The following PCDH15 variants were observed in gnomAD, a reference collection of about 807,000 sequenced individuals.
PCDH15 encodes the protein protocadherin related 15, also known as protocadherin-15.
A neutral mutation model predicts 178.5 loss-of-function variants in PCDH15; 129 were observed. That is an observed-to-expected ratio of 0.72 (90% CI 0.63 to 0.84). PCDH15 has a LOEUF of 0.84. Ranked by LOEUF, PCDH15 falls within the 40% of genes least tolerant of loss-of-function variation. PCDH15 has a pLI of 0.00. For synonymous variants in PCDH15, 800 were observed against 732.0 expected, an observed-to-expected ratio of 1.09 and a Z score of -1.50; for missense variants, 2,230 against 2,099.9, an observed-to-expected ratio of 1.06 and a Z score of -1.21.
intron 3 of PCDH15, among the ~76,000 whole-genome samples, chr10:54,831,827 C>A (rs970336281): frequency 1.3e-5 from 2 of 152,030 alleles, no homozygotes; most frequent in Admixed American, 6.6e-5. Context: ...ACTTCACTAG[C>A]CCATTAATAA....
intron 2 of PCDH15, among the ~76,000 whole-genome samples, chr10:55,625,595 G>T (rs763442177): frequency 6.6e-6 from 1 of 152,054 alleles, no homozygotes; most frequent in Non-Finnish European, 1.5e-5. Flanking sequence ...CTAGAGCCTG[G>T]AACTAAACAG....
intron 15 of PCDH15, among the ~76,000 whole-genome samples, chr10:54,099,028 A>C (rs935298442): frequency 2.6e-5 from 4 of 152,172 alleles, no homozygotes; most frequent in African/African-American, 7.2e-5. Flanking sequence ...GTTTTCTCAA[A>C]GCTTTCCTCA....
At chr10:54,970,178 C>G (rs1336705703) in intron 2 of PCDH15, among the ~76,000 whole-genome samples, 1 of 152,112 alleles carries the variant, frequency 6.6e-6, no homozygotes, top group African/African-American at 2.4e-5. Flanking sequence ...GGACACTGAA[C>G]CTGCTAGTAC....
At chr10:54,235,153 T>G (rs2054496078) in intron 9 of PCDH15, among the ~76,000 whole-genome samples, 1 of 152,226 alleles carries the variant, frequency 6.6e-6, no homozygotes, top group African/African-American at 2.4e-5. Flanking sequence ...ATGATACTGC[T>G]TAACACTGCA....
intron 15 of PCDH15, among the ~76,000 whole-genome samples, chr10:54,112,216 G>A (rs1188499343): frequency 2.0e-5 from 3 of 152,032 alleles, no homozygotes; most frequent in Non-Finnish European, 2.9e-5. Context: ...ATTCCTCTAA[G>A]TCGGGGTTCC....
chr10:54,737,153 G>A (rs1024318103), intron 1 of PCDH15, among the ~76,000 whole-genome samples: 3 of 152,076 alleles, frequency 2.0e-5, no homozygotes, highest in African/African-American at 7.2e-5. Context: ...GACCTGCCGG[G>A]TGCTTCTTAT....
At chr10:55,491,907 T>C (rs574260740) in intron 2 of PCDH15, among the ~76,000 whole-genome samples, 220 of 151,486 alleles carry the variant, frequency 1.5e-3, no homozygotes, top group African/African-American at 5.1e-3. Flanking sequence ...AAGCTGCACC[T>C]ACTCAAGGGC....
At chr10:54,672,257 T>C (rs1005272211) in intron 1 of PCDH15, among the ~76,000 whole-genome samples, 2 of 151,784 alleles carry the variant, frequency 1.3e-5, no homozygotes, top group African/African-American at 2.4e-5. Flanking sequence ...GTATAATAAA[T>C]GGAATGCACC....
rs114307102 is a variant in PCDH15, at chr10:54,748,361, C to T, written c.-29+52564G>A. On this transcript the variant is annotated intron_variant, in intron 1 of 37. Coordinates refer to ENST00000644397, the MANE Select transcript of PCDH15 (RefSeq NM_001384140.1). The stretch of plus-strand genomic sequence containing the variant: ...ATTGTCTGGTCATCACCCCTTATCC[C>T]CTCCTGAATATTTAATGAGACCAAG... Among the ~76,000 whole-genome samples, 1,141 of 152,154 alleles carry T rather than the reference C, an allele frequency of 7.5e-3. 11 individuals are homozygous for T. The highest frequency in any genetic ancestry group is 0.026 in the African/African-American group (1,060 of 41,520).
intron 3 of PCDH15, among the ~76,000 whole-genome samples, chr10:54,895,954 TC>T (rs147702210): frequency 0.22 from 34,148 of 151,900 alleles, 4,505 homozygotes; most frequent in Non-Finnish European, 0.31. Context: ...TGGCACTATC[TC>T]GGCTCACCAC....
chr10:54,966,715 T>C (rs1838802190), intron 2 of PCDH15, among the ~76,000 whole-genome samples: 2 of 152,072 alleles, frequency 1.3e-5, no homozygotes, highest in South Asian at 4.1e-4. Flanking sequence ...TCTGATGTTT[T>C]TATAAGTGGT....
chr10:54,201,685 A>T (rs569883452), intron 10 of PCDH15, among the ~76,000 whole-genome samples: 6 of 152,212 alleles, frequency 3.9e-5, no homozygotes, highest in Admixed American at 1.3e-4. Context: ...ATATTTTTTT[A>T]AAAATTAAGT....
chr10:54,868,018 GCTTGT>G (rs1271870573), intron 3 of PCDH15, among the ~76,000 whole-genome samples: 7 of 152,008 alleles, frequency 4.6e-5, no homozygotes, highest in African/African-American at 1.7e-4. Flanking sequence ...GTGTTAATTA[GCTTGT>G]CTTAATTATT....
intron 18 of PCDH15, among the ~76,000 whole-genome samples, chr10:54,052,526 A>G (rs2610877): frequency 0.21 from 31,697 of 152,168 alleles, 3,486 homozygotes; most frequent in Non-Finnish European, 0.23. Flanking sequence ...TTTAGAATGC[A>G]TGTGTTTATC....
intron 1 of PCDH15, among the ~76,000 whole-genome samples, chr10:54,675,558 G>T (rs1210667830): frequency 1.5e-5 from 2 of 133,822 alleles, no homozygotes; most frequent in Non-Finnish European, 1.6e-5. Flanking sequence ...AGTTATTTCT[G>T]CCTAGGCATT....
intron 3 of PCDH15, among the ~76,000 whole-genome samples, chr10:54,447,359 T>A (rs1681729180): frequency 6.6e-6 from 1 of 151,614 alleles, no homozygotes; most frequent in African/African-American, 2.4e-5. Flanking sequence ...TAACTGGAAT[T>A]TTGTGTCTTT....
At chr10:55,172,593 A>G (rs1839367516) in intron 1 of PCDH15, among the ~76,000 whole-genome samples, 1 of 152,082 alleles carries the variant, frequency 6.6e-6, no homozygotes, top group Admixed American at 6.6e-5. Flanking sequence ...AATACTCAGC[A>G]TGCTACAATA....
At chr10:55,185,422 G>A (rs892920919) in intron 1 of PCDH15, among the ~76,000 whole-genome samples, 9 of 151,684 alleles carry the variant, frequency 5.9e-5, no homozygotes, top group Non-Finnish European at 1.2e-4. Flanking sequence ...AATCAGCTCA[G>A]AATCTTTATT....
chr10:55,154,294 T>C (rs1287177881), intron 2 of PCDH15, among the ~76,000 whole-genome samples: 1 of 152,112 alleles, frequency 6.6e-6, no homozygotes, highest in Non-Finnish European at 1.5e-5. Flanking sequence ...TCAAAACAAA[T>C]AAACTTTAAA....
Sources: gnomAD v4.1 joint callset for allele counts (sites outside exome capture counted in the v4.1 genomes callset) on GRCh38, gnomAD v4.1.1 for gene constraint, MANE v1.5 for transcripts, NCBI Gene and HGNC (gene_info 2026-07-23, HGNC 2026-07-21) for gene names.